Variants in CACNA1S observed in about 807,000 individuals in gnomAD.
CACNA1S encodes calcium voltage-gated channel subunit alpha1 S.
A neutral mutation model predicts 207.4 loss-of-function variants in CACNA1S; 126 were observed. The observed-to-expected ratio is 0.61, with a 90% CI of 0.53 to 0.70. The LOEUF (loss-of-function observed/expected upper bound fraction) is 0.70. Among genes scored for constraint, CACNA1S ranks in the 30% least tolerant of loss-of-function variants. CACNA1S has a pLI of 0.00. For synonymous variants in CACNA1S, 960 were observed against 932.7 expected, an observed-to-expected ratio of 1.03 and a Z score of -0.53; for missense variants, 2,349 against 2,422.8, an observed-to-expected ratio of 0.97 and a Z score of 0.64.
At chr1:201,103,305 A>C (rs1334407569) in intron 2 of CACNA1S, among the ~76,000 whole-genome samples, 1 of 151,662 alleles carries the variant, frequency 6.6e-6, no homozygotes, top group African/African-American at 2.4e-5. Context: ...GAGGTAATGG[A>C]GGTTCAGAGA....
At chr1:201,080,372 A>G (rs993990211) in intron 10 of CACNA1S, among the ~76,000 whole-genome samples, 2 of 150,872 alleles carry the variant, frequency 1.3e-5, no homozygotes, top group Non-Finnish European at 3.0e-5. Flanking sequence ...AAACCTCAAA[A>G]TCACCCCTGA....
At chr1:201,085,350 G>C (rs1558076789) in intron 8 of CACNA1S, 86 bp downstream of exon 8, 1 of 1,560,640 alleles carries the variant, frequency 6.4e-7, no homozygotes, top group Non-Finnish European at 8.8e-7. Context: ...TGTTGGACTT[G>C]CTCAGTGGGC....
Position 201,076,938 on chromosome 1 carries a change from G to A in CACNA1S, c.1809C>T (p.Ala603=), listed in dbSNP as rs1173857453. 1.2e-6 allele frequency: 2 copies of A among 1,614,210 alleles called. No individual in the cohort carries two copies. The highest frequency in any genetic ancestry group is 2.2e-5 in the South Asian group (2 of 91,084). The part of the protein sequence containing the change: ...RRSNFDNFPQ[A]LISVFQVLTG... ...AGCCTACCTGGAAGACGCTGATGAG[G>A]GCTTGGGGAAAGTTGTCAAAGTTGC... The change falls in exon 12 of 44, where the codon GCC becomes GCT. Residue 603 remains alanine (A), a synonymous_variant. Coordinates refer to ENST00000362061, the MANE Select transcript of CACNA1S (RefSeq NM_000069.3).
At chr1:201,040,847 T>C in intron 41 of CACNA1S, 134 bp from the exon 42 acceptor site, 1 of 707,464 alleles carries the variant, frequency 1.4e-6, no homozygotes. Flanking sequence ...AGAAGGTGTC[T>C]TAGAGGGTGG....
chr1:201,087,746 C>G (rs1028695805), intron 7 of CACNA1S, 80 bp downstream of exon 7: 2 of 930,128 alleles, frequency 2.2e-6, no homozygotes, highest in Non-Finnish European at 3.5e-6. Context: ...GTTTCTTTTC[C>G]CTCCGTTCCT....
chr1:201,091,367 A>G (rs1662222856), intron 5 of CACNA1S, among the ~76,000 whole-genome samples: 1 of 151,610 alleles, frequency 6.6e-6, no homozygotes, highest in Non-Finnish European at 1.5e-5. Context: ...AGGTCCAGAG[A>G]GCCTGGAACA....
intron 2 of CACNA1S, among the ~76,000 whole-genome samples, chr1:201,106,869 C>T (rs764612502): frequency 3.3e-5 from 5 of 152,186 alleles, no homozygotes; most frequent in Non-Finnish European, 5.9e-5. Context: ...TACCCAGAAT[C>T]GGGGAGGGCC....
chr1:201,091,827 C>T (rs368273260), intron 4 of CACNA1S, 35 bp from the exon 5 acceptor site: 7 of 1,603,300 alleles, frequency 4.4e-6, no homozygotes, highest in African/African-American at 1.3e-5. Flanking sequence ...AAAGAGGAGT[C>T]GCCTCTGCTT....
At chr1:201,077,369 T>C (rs1177719313) in intron 11 of CACNA1S, among the ~76,000 whole-genome samples, 1 of 152,232 alleles carries the variant, frequency 6.6e-6, no homozygotes, top group Non-Finnish European at 1.5e-5. Flanking sequence ...GTCCCATCAC[T>C]GGACGAGAAA....
intron 3 of CACNA1S, 103 bp downstream of exon 3, chr1:201,093,779 T>C (rs2102167187): frequency 7.1e-7 from 1 of 1,404,842 alleles, no homozygotes; most frequent in Non-Finnish European, 1.0e-6. Context: ...GTTAGCACAA[T>C]GCTGGAGTCC....
rs1429834002 is a variant in CACNA1S at position 201,085,595 on chromosome 1, G to A, written c.1005-14C>T. The A allele has an allele frequency of 6.2e-7, 1 of 1,613,606 alleles. No individual in the cohort carries two copies. Among genetic ancestry groups the A allele is most frequent in the East Asian group, 2.2e-5 (1 of 44,848 alleles). ...TTGGTGAATTCCCTGAAATGAGATGGGGGAGCCAGGAGAGGAGGAGAAGAG... is the reference window on the plus strand; with the variant it reads ...TTGGTGAATTCCCTGAAATGAGATGAGGGAGCCAGGAGAGGAGGAGAAGAG... On this transcript the variant is annotated splice_polypyrimidine_tract_variant and intron_variant, in intron 7 of 43. Transcript: ENST00000362061.
rs554729466 is a variant in CACNA1S at position 201,077,979 on chromosome 1, C to T, written c.1519G>A (p.Gly507Ser). ...NRFDCFVVCSGILEILLVESG... is the reference protein window; with the variant it reads ...NRFDCFVVCSSILEILLVESG... ...TCCACCAGCAGGATCTCCAGGATACCGCTACACACCACGAAGCAGTCGAAG... is the reference window on the plus strand; with the variant it reads ...TCCACCAGCAGGATCTCCAGGATACTGCTACACACCACGAAGCAGTCGAAG... The change falls in exon 11 of 44, where the codon GGT becomes AGT. Residue 507 changes from glycine (G) to serine (S), a missense_variant. By Grantham distance (56) the Gly-to-Ser change is moderately conservative (BLOSUM62 0). Coordinates refer to ENST00000362061, the MANE Select transcript of CACNA1S (RefSeq NM_000069.3). 14 of 1,614,144 alleles carry T rather than the reference C, an allele frequency of 8.7e-6. No homozygotes were observed. Among genetic ancestry groups the T allele is most frequent in the South Asian group, 5.5e-5 (5 of 91,082 alleles).
At chr1:201,111,602 G>A (rs1663106984) in intron 1 of CACNA1S, among the ~76,000 whole-genome samples, 1 of 152,064 alleles carries the variant, frequency 6.6e-6, no homozygotes, top group African/African-American at 2.4e-5. Flanking sequence ...GTCCTCAGCT[G>A]GGACCTGCCC....
chr1:201,060,542 AGTGCACAAGAAAT>A, intron 26 of CACNA1S, 103 bp downstream of exon 26: 4 of 1,048,260 alleles, frequency 3.8e-6, no homozygotes, highest in Non-Finnish European at 5.8e-6. Context: ...CTCAGCACAC[AGTGCACAAGAAAT>A]GTCTACTGGG....
chr1:201,078,100 A>G lies in CACNA1S; in HGVS notation c.1398T>C (p.Ile466=), dbSNP rs750207191. 78 of 1,613,514 alleles carry G rather than the reference A, an allele frequency of 4.8e-5. No homozygotes were observed. Among genetic ancestry groups the G allele is most frequent in the Non-Finnish European group, 6.5e-5 (77 of 1,179,516 alleles). ...AGAGGGACAGCAGCACCCGGTTGGCAATGTCTGTAGGGTTGGTGGCACAGC... is the reference window on the plus strand; with the variant it reads ...AGAGGGACAGCAGCACCCGGTTGGCGATGTCTGTAGGGTTGGTGGCACAGC... ...QPLWLTRLQD[I]ANRVLLSLFT... is the part of the protein sequence containing the mutation. Residue 466 remains isoleucine (I), a synonymous_variant, in exon 11 of 44, where the codon ATT becomes ATC. Coordinates refer to ENST00000362061, the MANE Select transcript of CACNA1S (RefSeq NM_000069.3).
chr1:201,074,531 C>G lies in CACNA1S; in HGVS notation c.2038G>C (p.Glu680Gln). The G allele has an allele frequency of 1.9e-6, 3 of 1,613,600 alleles. No individual in the cohort carries two copies. The highest frequency in any genetic ancestry group is 2.5e-6 in the Non-Finnish European group (3 of 1,179,566). The change falls in exon 14 of 44, where the codon GAG (glutamate) becomes CAG (glutamine). Residue 680 changes from glutamate (E) to glutamine (Q), a missense_variant. Coordinates refer to ENST00000362061, the MANE Select transcript of CACNA1S (RefSeq NM_000069.3). The stretch of plus-strand genomic sequence containing the variant: ...TTGGACATCTTCCTGCGTTTTTTCT[C>G]CTCAGCCTTGGCCTTCTGGGCAGAA... ...LTSAQKAKAE[E>Q]KKRRKMSKGL...
At chr1:201,054,618 T>C in intron 28 of CACNA1S, 57 bp from the exon 29 acceptor site, 2 of 1,413,904 alleles carry the variant, frequency 1.4e-6, no homozygotes, top group Non-Finnish European at 2.0e-6. Context: ...AGGAGGGACA[T>C]GTGGGAGGGA....
intron 10 of CACNA1S, among the ~76,000 whole-genome samples, chr1:201,082,883 A>G (rs1397477634): frequency 6.6e-6 from 1 of 152,178 alleles, no homozygotes; most frequent in Non-Finnish European, 1.5e-5. Context: ...CTGGGCAAGC[A>G]CCTGTCCCAG....
chr1:201,044,024 G>A (rs545255484), intron 39 of CACNA1S, among the ~76,000 whole-genome samples: 2 of 152,278 alleles, frequency 1.3e-5, no homozygotes, highest in Admixed American at 6.5e-5. Context: ...AGGCAGGCAG[G>A]GCATTTGATC....
Sources: allele counts gnomAD v4.1 joint callset (sites outside exome capture counted in the v4.1 genomes callset), GRCh38; gene constraint gnomAD v4.1.1; transcripts MANE v1.5; gene names NCBI Gene and HGNC (gene_info 2026-07-23, HGNC 2026-07-21).